The following ALX4 variants were observed in gnomAD, a reference collection of about 807,000 sequenced individuals.
The protein encoded by ALX4 is ALX homeobox 4.
ALX4 carries 22 observed loss-of-function variants against 40.6 expected under a neutral mutation model. The observed-to-expected ratio is 0.54, with a 90% CI of 0.39 to 0.77. The LOEUF (loss-of-function observed/expected upper bound fraction) is 0.77, where lower values mean the gene tolerates loss of function less well. Ranked by LOEUF, ALX4 falls within the 30% of genes least tolerant of loss-of-function variation. The pLI is 0.00. For synonymous variants in ALX4, 266 were observed against 240.5 expected, an observed-to-expected ratio of 1.11 and a Z score of -0.98; for missense variants, 556 against 564.8, an observed-to-expected ratio of 0.98 and a Z score of 0.16.
At chr11:44,284,918 TACAC>T (rs60186797) in intron 1 of ALX4, among the ~76,000 whole-genome samples, 1 of 150,716 alleles carries the variant, frequency 6.6e-6, no homozygotes, top group Non-Finnish European at 1.5e-5. Context: ...CACATACACA[TACAC>T]ACACACACAC....
At chr11:44,286,828 G>A (rs1017153012) in intron 1 of ALX4, among the ~76,000 whole-genome samples, 6 of 152,142 alleles carry the variant, frequency 3.9e-5, no homozygotes, top group South Asian at 4.2e-4. Flanking sequence ...GTGAGGCGCC[G>A]AGAGAAGGGA....
At chr11:44,307,446 A>AG (rs1331647639) in intron 1 of ALX4, among the ~76,000 whole-genome samples, 9 of 152,188 alleles carry the variant, frequency 5.9e-5, no homozygotes, top group Non-Finnish European at 1.2e-4. Flanking sequence ...GAGAGGGCTC[A>AG]GGGGAGGCCA....
intron 1 of ALX4, among the ~76,000 whole-genome samples, chr11:44,294,093 G>A (rs543158645): frequency 7.9e-5 from 12 of 152,378 alleles, no homozygotes; most frequent in Non-Finnish European, 1.5e-4. Flanking sequence ...CAGTGGGCAT[G>A]AGCCCCCTGG....
At chr11:44,299,665 G>A (rs1384985097) in intron 1 of ALX4, among the ~76,000 whole-genome samples, 23 of 152,210 alleles carry the variant, frequency 1.5e-4, no homozygotes, top group Admixed American at 1.3e-3. Flanking sequence ...GTGCCCTGGG[G>A]GCCATGTTTG....
At chr11:44,298,896 G>A (rs1956419112) in intron 1 of ALX4, among the ~76,000 whole-genome samples, 1 of 152,178 alleles carries the variant, frequency 6.6e-6, no homozygotes, top group African/African-American at 2.4e-5. Context: ...CGAAGAGAGA[G>A]TGGAAAGACT....
At chr11:44,300,238 C>T (rs1019467912) in intron 1 of ALX4, among the ~76,000 whole-genome samples, 1 of 152,176 alleles carries the variant, frequency 6.6e-6, no homozygotes, top group Non-Finnish European at 1.5e-5. Context: ...TATCACAGAA[C>T]CCCAAGGCCT....
rs144742417 is a variant in ALX4, at chr11:44,264,957, T to C, written c.1133A>G (p.Asn378Ser). 1.5e-5 allele frequency: 24 copies of C among 1,613,216 alleles called. No individual in the cohort carries two copies. The African/African-American group carries it at 1.9e-4, about 13-fold the overall frequency. The change falls in exon 4 of 4, where the codon AAT becomes AGT. Residue 378 changes from asparagine to serine, a missense_variant. Physicochemically the swap from Asn to Ser is conservative, Grantham distance 46. Coordinates refer to ENST00000652299, the MANE Select transcript of ALX4 (RefSeq NM_021926.4). ...CGGCTCGCCGTTGAGCTCGTAGCCA[T>C]TGAGGCCTGGGCTGAGGCTGGCTGC... ...FGAASLSPGL[N>S]GYELNGEPDR... is the part of the protein sequence containing the mutation.
intron 1 of ALX4, among the ~76,000 whole-genome samples, chr11:44,295,552 G>C (rs1437331948): frequency 6.6e-6 from 1 of 152,266 alleles, no homozygotes; most frequent in Non-Finnish European, 1.5e-5. Flanking sequence ...GGACTCTGCT[G>C]TCTAGTCCCT....
chr11:44,284,992 C>A (rs1956330377), intron 1 of ALX4, among the ~76,000 whole-genome samples: 1 of 151,742 alleles, frequency 6.6e-6, no homozygotes, highest in African/African-American at 2.4e-5. Context: ...GAGATGGAGT[C>A]TCGCTGTTGT....
chr11:44,305,360 A>G (rs1015841715), intron 1 of ALX4, among the ~76,000 whole-genome samples: 1 of 152,218 alleles, frequency 6.6e-6, no homozygotes, highest in Non-Finnish European at 1.5e-5. Flanking sequence ...GAAGCAGGCT[A>G]TGGAAATTAA....
At chr11:44,309,488 C>T (rs1048691671) in intron 1 of ALX4, 109 bp downstream of exon 1, 4 of 1,499,220 alleles carry the variant, frequency 2.7e-6, no homozygotes, top group African/African-American at 1.4e-5. Context: ...AGTCACCACC[C>T]CGCCCCCAGC....
intron 1 of ALX4, 125 bp downstream of exon 1, chr11:44,309,472 G>C (rs1300324537): frequency 1.2e-5 from 18 of 1,483,190 alleles, no homozygotes; most frequent in Non-Finnish European, 1.4e-5. Flanking sequence ...CCCGTTTACC[G>C]ACCAGAGTCA....
At chr11:44,303,631 A>T (rs1956448186) in intron 1 of ALX4, among the ~76,000 whole-genome samples, 1 of 151,624 alleles carries the variant, frequency 6.6e-6, no homozygotes, top group South Asian at 2.1e-4. Flanking sequence ...ACTCCCTTCC[A>T]TTCCTCTCTT....
intron 1 of ALX4, among the ~76,000 whole-genome samples, chr11:44,296,984 G>C (rs1364502372): frequency 1.4e-5 from 2 of 141,960 alleles, no homozygotes; most frequent in African/African-American, 2.6e-5. Context: ...ATTCCAGCCT[G>C]GGCAACAAGA....
chr11:44,292,162 A>G (rs969996984), intron 1 of ALX4, among the ~76,000 whole-genome samples: 1 of 152,062 alleles, frequency 6.6e-6, no homozygotes, highest in East Asian at 1.9e-4. Context: ...AAACTGAAAA[A>G]GCAACAAGGC....
At chr11:44,291,033 A>C (rs1217951636) in intron 1 of ALX4, among the ~76,000 whole-genome samples, 1 of 152,184 alleles carries the variant, frequency 6.6e-6, no homozygotes, top group Non-Finnish European at 1.5e-5. Flanking sequence ...CCCCAGGTGC[A>C]TCCTCTCCAG....
At chr11:44,282,979 T>A (rs1956317948) in intron 1 of ALX4, among the ~76,000 whole-genome samples, 1 of 152,198 alleles carries the variant, frequency 6.6e-6, no homozygotes, top group African/African-American at 2.4e-5. Flanking sequence ...CGTGGTGGCT[T>A]GCGCCTGTAA....
chr11:44,297,787 A>G (rs1956411951), intron 1 of ALX4, among the ~76,000 whole-genome samples: 1 of 152,086 alleles, frequency 6.6e-6, no homozygotes. Flanking sequence ...TCCTCAGCCC[A>G]CCTCACCGGC....
chr11:44,270,613 G>A (rs1014460640), intron 2 of ALX4, among the ~76,000 whole-genome samples: 4 of 152,082 alleles, frequency 2.6e-5, no homozygotes, highest in African/African-American at 9.7e-5. Context: ...CGCCCCAGGG[G>A]CTCCGAGAGC....
Sources: gnomAD v4.1 joint callset for allele counts (sites outside exome capture counted in the v4.1 genomes callset) on GRCh38, gnomAD v4.1.1 for gene constraint, MANE v1.5 for transcripts, NCBI Gene and HGNC (gene_info 2026-07-23, HGNC 2026-07-21) for gene names.